The following CDH13 variants were observed in gnomAD, a reference collection of about 807,000 sequenced individuals.
CDH13 encodes cadherin 13.
In CDH13, 24 loss-of-function variants were observed where a neutral mutation model predicts 63.8. The ratio of observed to expected loss-of-function variants is 0.38; its 90% CI spans 0.27 to 0.53. CDH13 has a LOEUF of 0.53. Ranked by LOEUF, CDH13 falls within the 20% of genes least tolerant of loss-of-function variation. The probability of loss-of-function intolerance (pLI) is 0.85; values close to 1 mark genes in which losing one functional copy is unlikely to be tolerated. For synonymous variants in CDH13, 503 were observed against 355.3 expected (o/e 1.42, Z -4.67); for missense variants, 1,049 against 903.1 (o/e 1.16, Z -2.07).
chr16:83,023,572 T>C (rs755233433), intron 2 of CDH13, among the ~76,000 whole-genome samples: 1 of 152,240 alleles, frequency 6.6e-6, no homozygotes, highest in African/African-American at 2.4e-5. Context: ...GTTATCCACA[T>C]GGTGTCATTC....
intron 1 of CDH13, among the ~76,000 whole-genome samples, chr16:82,728,035 C>G (rs147911842): frequency 1.3e-5 from 2 of 152,152 alleles, no homozygotes; most frequent in African/African-American, 4.8e-5. Context: ...GAAAGCTGCT[C>G]TATTACTTAT....
intron 1 of CDH13, among the ~76,000 whole-genome samples, chr16:82,732,989 A>G (rs535513826): frequency 6.6e-6 from 1 of 152,286 alleles, no homozygotes; most frequent in East Asian, 1.9e-4. Flanking sequence ...AGATATCTCC[A>G]TTTGTTTTTC....
At chr16:83,420,639 T>C (rs1175295938) in intron 6 of CDH13, among the ~76,000 whole-genome samples, 1 of 152,150 alleles carries the variant, frequency 6.6e-6, no homozygotes, top group Non-Finnish European at 1.5e-5. Flanking sequence ...TGTGTATATA[T>C]AAAAGGATAT....
intron 2 of CDH13, among the ~76,000 whole-genome samples, chr16:82,896,064 C>T (rs906513018): frequency 6.6e-6 from 1 of 152,186 alleles, no homozygotes; most frequent in African/African-American, 2.4e-5. Flanking sequence ...AAGGCATCAC[C>T]CTGTTTTATG....
intron 2 of CDH13, among the ~76,000 whole-genome samples, chr16:82,908,906 T>C (rs2041734223): frequency 6.6e-6 from 1 of 152,194 alleles, no homozygotes; most frequent in Admixed American, 6.5e-5. Flanking sequence ...AATACAGTAT[T>C]CATAAGATAT....
chr16:83,173,996 A>G (rs1002922832), intron 4 of CDH13, among the ~76,000 whole-genome samples: 1 of 152,098 alleles, frequency 6.6e-6, no homozygotes, highest in African/African-American at 2.4e-5. Context: ...TGACCAGACA[A>G]TAACAATCCT....
intron 3 of CDH13, among the ~76,000 whole-genome samples, chr16:83,057,315 A>G (rs2031051806): frequency 6.6e-6 from 1 of 152,058 alleles, no homozygotes; most frequent in Non-Finnish European, 1.5e-5. Flanking sequence ...ACTTGTGGTT[A>G]CCTTTGAAAA....
intron 5 of CDH13, among the ~76,000 whole-genome samples, chr16:83,260,907 G>C (rs550260421): frequency 6.6e-6 from 1 of 152,236 alleles, no homozygotes; most frequent in South Asian, 2.1e-4. Flanking sequence ...CAGTGAAATG[G>C]ATGCACCAGG....
At chr16:83,449,783 A>G (rs2072830995) in intron 6 of CDH13, among the ~76,000 whole-genome samples, 1 of 152,166 alleles carries the variant, frequency 6.6e-6, no homozygotes, top group South Asian at 2.1e-4. Context: ...CGTTTTGTAA[A>G]TAGGGACGTT....
At chr16:83,279,248 G>T (rs896441276) in intron 5 of CDH13, among the ~76,000 whole-genome samples, 11 of 152,194 alleles carry the variant, frequency 7.2e-5, no homozygotes, top group Admixed American at 6.5e-4. Context: ...TTGTAAGTCA[G>T]CTGTTTTTAT....
At chr16:83,548,096 AG>A (rs66755956) in intron 7 of CDH13, among the ~76,000 whole-genome samples, 42,378 of 151,780 alleles carry the variant, frequency 0.28, 6,047 homozygotes, top group Middle Eastern at 0.35. Context: ...TGGAGCAGGA[AG>A]GGGGGGATGG....
intron 2 of CDH13, among the ~76,000 whole-genome samples, chr16:82,877,395 T>C (rs2040541506): frequency 1.3e-5 from 2 of 152,216 alleles, no homozygotes; most frequent in Admixed American, 6.5e-5. Context: ...TGGACAAAGG[T>C]TTCTGTGAAC....
chr16:83,394,386 G>A (rs1210380830), intron 6 of CDH13, among the ~76,000 whole-genome samples: 1 of 152,146 alleles, frequency 6.6e-6, no homozygotes, highest in Non-Finnish European at 1.5e-5. Flanking sequence ...GAGAGAGTGA[G>A]CCACGTGGAT....
At chr16:82,852,596 A>G (rs1008981345) in intron 1 of CDH13, among the ~76,000 whole-genome samples, 1 of 152,210 alleles carries the variant, frequency 6.6e-6, no homozygotes, top group Non-Finnish European at 1.5e-5. Flanking sequence ...ACCATGTCCT[A>G]TTGTGAGAAG....
In CDH13 at chr16:82,627,085, C is replaced by T. The variant is rs747478898; in HGVS notation, c.-8C>T. 2 of 1,599,248 alleles carry T rather than the reference C, an allele frequency of 1.3e-6. No individual in the cohort carries two copies. Among genetic ancestry groups the T allele is most frequent in the African/African-American group, 2.7e-5 (2 of 74,630 alleles). Reference sequence around the variant, plus strand: ...GAAAACGCCGCCGGGCGCTTCTAGTCGGACAAAATGCAGCCGAGAACTCCG... The same window carrying T: ...GAAAACGCCGCCGGGCGCTTCTAGTTGGACAAAATGCAGCCGAGAACTCCG... On this transcript the variant is annotated 5_prime_UTR_variant, in exon 1 of 14. Transcript: ENST00000567109.
intron 1 of CDH13, among the ~76,000 whole-genome samples, chr16:82,807,577 G>GT (rs5818409): frequency 0.85 from 128,452 of 151,994 alleles, 58,555 homozygotes; most frequent in East Asian, 1. Context: ...TTGATCTCTG[G>GT]GCTAAGGACC....
At chr16:83,335,927 C>A (rs550784079) in intron 5 of CDH13, among the ~76,000 whole-genome samples, 5 of 152,214 alleles carry the variant, frequency 3.3e-5, no homozygotes, top group Non-Finnish European at 7.3e-5. Flanking sequence ...GCTGAATAAA[C>A]CCCTTCCTTC....
At chr16:82,940,575 G>T (rs1257753695) in intron 2 of CDH13, among the ~76,000 whole-genome samples, 1 of 152,144 alleles carries the variant, frequency 6.6e-6, no homozygotes, top group East Asian at 1.9e-4. Context: ...AGGAGAGCTG[G>T]ATTCTTCTTA....
At position 83,301,024 on chromosome 16, in the gene CDH13, G is replaced by GTTTTTTTTTT. The variant is rs1567574870; in HGVS notation, c.637-43838_637-43837insTTTTTTTTTT. Among the ~76,000 whole-genome samples the GTTTTTTTTTT allele has an allele frequency of 7.4e-5, 4 of 53,946 alleles. 1 individual carries two copies. Among genetic ancestry groups the GTTTTTTTTTT allele is most frequent in the African/African-American group, 2.0e-4 (3 of 14,864 alleles). 35.4% of individuals were successfully genotyped at this position (53,946 alleles called of 152,430 possible). A position where few individuals can be genotyped will look rare whatever the true frequency, so the allele number is the denominator to read the frequency against. Reference sequence around the variant, plus strand: ...TGAACTGATACATATAACTTTCTGGGGTTTTTTTTTTTTTTTTTTTTTTTT... The same window carrying GTTTTTTTTTT: ...TGAACTGATACATATAACTTTCTGGGTTTTTTTTTTGTTTTTTTTTTTTTTTTTTTTTTTT... On this transcript the variant is annotated intron_variant, in intron 5 of 13. Coordinates refer to ENST00000567109, the MANE Select transcript of CDH13 (RefSeq NM_001257.5).
Sources: gnomAD v4.1 joint callset for allele counts (sites outside exome capture counted in the v4.1 genomes callset) on GRCh38, gnomAD v4.1.1 for gene constraint, MANE v1.5 for transcripts, NCBI Gene and HGNC (gene_info 2026-07-23, HGNC 2026-07-21) for gene names.